The following MAGI2 variants were observed in gnomAD, a reference collection of about 807,000 sequenced individuals.
MAGI2 encodes membrane-associated guanylate kinase, WW and PDZ domain-containing protein 2.
MAGI2 carries 35 observed loss-of-function variants against 133.3 expected under a neutral mutation model. The observed-to-expected ratio is 0.26, with a 90% CI of 0.20 to 0.35. The LOEUF (loss-of-function observed/expected upper bound fraction) is 0.35. MAGI2 is among the 10% of genes least tolerant of loss of function. The probability of loss-of-function intolerance (pLI) is 1.00; values close to 1 mark genes in which losing one functional copy is unlikely to be tolerated. For synonymous variants in MAGI2, 729 were observed against 710.6 expected (o/e 1.03, Z -0.41); for missense variants, 1,636 against 1,863.4 (o/e 0.88, Z 2.25).
intron 9 of MAGI2, among the ~76,000 whole-genome samples, chr7:78,318,766 G>A (rs1025131886): frequency 3.9e-5 from 6 of 152,160 alleles, no homozygotes; most frequent in African/African-American, 1.4e-4. Flanking sequence ...ACTAACAGAG[G>A]ATCTCTCTGC....
chr7:79,380,178 A>G (rs1843681106), intron 1 of MAGI2, among the ~76,000 whole-genome samples: 1 of 151,856 alleles, frequency 6.6e-6, no homozygotes, highest in Non-Finnish European at 1.5e-5. Flanking sequence ...GCTTCTGCAC[A>G]GCAAAAGAAA....
At chr7:78,587,037 C>T (rs2098339) in intron 3 of MAGI2, among the ~76,000 whole-genome samples, 41,649 of 152,030 alleles carry the variant, frequency 0.27, 6,574 homozygotes, top group Middle Eastern at 0.37. Context: ...GCTATGAACA[C>T]GGGGGTTTTA....
At chr7:78,194,533 T>G (rs1316577242) in intron 12 of MAGI2, among the ~76,000 whole-genome samples, 1 of 152,052 alleles carries the variant, frequency 6.6e-6, no homozygotes, top group Non-Finnish European at 1.5e-5. Context: ...CAAGATCAGA[T>G]TAAACAGATT....
intron 1 of MAGI2, among the ~76,000 whole-genome samples, chr7:79,073,649 C>A (rs530064734): frequency 2.0e-5 from 3 of 151,962 alleles, no homozygotes; most frequent in Non-Finnish European, 4.4e-5. Context: ...TGCAGGGAGT[C>A]TTTTAAAAAC....
chr7:78,239,026 T>C (rs11762393), intron 10 of MAGI2, among the ~76,000 whole-genome samples: 44,275 of 151,748 alleles, frequency 0.29, 7,483 homozygotes, highest in Non-Finnish European at 0.37. Flanking sequence ...AATCTTCTGC[T>C]TGCATGGGCA....
At chr7:78,263,972 C>T (rs148003049) in intron 9 of MAGI2, among the ~76,000 whole-genome samples, 2 of 152,240 alleles carry the variant, frequency 1.3e-5, no homozygotes, top group East Asian at 3.9e-4. Flanking sequence ...TCCCCACTAA[C>T]AAGCTGCTCG....
At chr7:78,541,670 T>C (rs2150670436) in intron 3 of MAGI2, among the ~76,000 whole-genome samples, 1 of 152,338 alleles carries the variant, frequency 6.6e-6, no homozygotes, top group South Asian at 2.1e-4. Flanking sequence ...GGCCCCACTC[T>C]GCACTTATTA....
intron 2 of MAGI2, among the ~76,000 whole-genome samples, chr7:78,846,630 T>A (rs1249753131): frequency 6.6e-6 from 1 of 152,000 alleles, no homozygotes; most frequent in East Asian, 1.9e-4. Context: ...TTTCCTAAAA[T>A]TCATTCAGCT....
intron 1 of MAGI2, among the ~76,000 whole-genome samples, chr7:79,444,176 A>C (rs1848685159): frequency 6.6e-6 from 1 of 152,168 alleles, no homozygotes; most frequent in South Asian, 2.1e-4. Flanking sequence ...AAATAATAAG[A>C]GCTATCTATG....
chr7:78,482,203 C>A (rs995970145), intron 6 of MAGI2, among the ~76,000 whole-genome samples: 1 of 151,908 alleles, frequency 6.6e-6, no homozygotes, highest in African/African-American at 2.4e-5. Context: ...AGCAGTATCT[C>A]TACACACCTG....
At chr7:78,837,434 C>T (rs1414725835) in intron 2 of MAGI2, among the ~76,000 whole-genome samples, 4 of 151,950 alleles carry the variant, frequency 2.6e-5, no homozygotes, top group Admixed American at 2.0e-4. Flanking sequence ...GCTTTACAGA[C>T]ATAAAGAAAT....
chr7:78,704,782 T>C (rs200864885), intron 2 of MAGI2, among the ~76,000 whole-genome samples: 1 of 143,436 alleles, frequency 7.0e-6, no homozygotes. Context: ...ATTATTCTTT[T>C]TTTTTTTTTT....
intron 3 of MAGI2, among the ~76,000 whole-genome samples, chr7:78,551,661 C>G (rs1019130881): frequency 6.6e-6 from 1 of 152,224 alleles, no homozygotes; most frequent in Non-Finnish European, 1.5e-5. Flanking sequence ...AACTTCTCAT[C>G]CAGCTGTTGT....
At chr7:78,289,984 C>A (rs868181320) in intron 9 of MAGI2, among the ~76,000 whole-genome samples, 68 of 152,238 alleles carry the variant, frequency 4.5e-4, no homozygotes, top group African/African-American at 1.5e-3. Context: ...ACAACCGGTA[C>A]CAGCCACTGC....
At chr7:78,029,711 TGAA>T (rs3840614) in intron 21 of MAGI2, among the ~76,000 whole-genome samples, 29,763 of 152,042 alleles carry the variant, frequency 0.2, 4,147 homozygotes, top group East Asian at 0.64. Context: ...AACCACTGCA[TGAA>T]GAAGTGGTGT....
intron 1 of MAGI2, among the ~76,000 whole-genome samples, chr7:79,307,412 T>C (rs974626351): frequency 2.6e-5 from 4 of 152,108 alleles, no homozygotes; most frequent in African/African-American, 9.7e-5. Flanking sequence ...AGAATTACGA[T>C]ATGGATTAAG....
intron 1 of MAGI2, among the ~76,000 whole-genome samples, chr7:79,175,403 C>A (rs1474802467): frequency 1.3e-5 from 2 of 151,846 alleles, no homozygotes; most frequent in African/African-American, 4.8e-5. Flanking sequence ...TGCCCCCTTC[C>A]CATCTTGCTT....
chr7:79,202,064 C>T (rs1258538920), intron 1 of MAGI2, among the ~76,000 whole-genome samples: 1 of 151,870 alleles, frequency 6.6e-6, no homozygotes, highest in African/African-American at 2.4e-5. Context: ...ATATTTTAGA[C>T]CTCAGCAAAA....
At chr7:78,340,953 C>T (rs1790306796) in intron 9 of MAGI2, among the ~76,000 whole-genome samples, 2 of 152,162 alleles carry the variant, frequency 1.3e-5, no homozygotes, top group East Asian at 3.9e-4. Context: ...GAAGTTCTGG[C>T]TGGGGCAATC....
Sources: allele counts gnomAD v4.1 joint callset (sites outside exome capture counted in the v4.1 genomes callset), GRCh38; gene constraint gnomAD v4.1.1; transcripts MANE v1.5; gene names NCBI Gene and HGNC (gene_info 2026-07-23, HGNC 2026-07-21).